EFR3B: variants seen among roughly 807,000 people sequenced by gnomAD.
The protein encoded by EFR3B is EFR3 homolog B.
EFR3B carries 64 observed loss-of-function variants against 104.7 expected under a neutral mutation model. The ratio of observed to expected loss-of-function variants is 0.61; its 90% confidence interval spans 0.50 to 0.75. The LOEUF (loss-of-function observed/expected upper bound fraction) is 0.75, where lower values mean the gene tolerates loss of function less well. Ranked by LOEUF, EFR3B falls within the 30% of genes least tolerant of loss-of-function variation. The probability of loss-of-function intolerance (pLI) is 0.00; values close to 1 mark genes in which losing one functional copy is unlikely to be tolerated. For missense variants in EFR3B, 750 were observed against 1,078.5 expected (o/e 0.70, Z 4.27); for synonymous variants, 385 against 417.9 (o/e 0.92, Z 0.96).
At chr2:25,081,718 C>T (rs117534844) in intron 1 of EFR3B, 12,567 of 493,700 alleles carry the variant, frequency 0.025, 1,120 homozygotes, top group East Asian at 0.24. Flanking sequence ...CCCTTGGTAC[C>T]GCCTGCAGCC....
chr2:25,060,628 T>C (rs1427607258), intron 1 of EFR3B, among the ~76,000 whole-genome samples: 5 of 152,012 alleles, frequency 3.3e-5, no homozygotes, highest in Non-Finnish European at 5.9e-5. Flanking sequence ...ATAAAAAAAC[T>C]AGCCACTGTC....
intron 1 of EFR3B, among the ~76,000 whole-genome samples, chr2:25,063,096 C>T (rs1360496402): frequency 2.6e-5 from 4 of 151,546 alleles, no homozygotes; most frequent in Admixed American, 2.6e-4. Flanking sequence ...ACCCACCACC[C>T]CTGGCTAATT....
chr2:25,127,765 T>TGCCTCTCCCTCTGGATCC (rs1333575845), intron 5 of EFR3B, among the ~76,000 whole-genome samples: 1 of 152,168 alleles, frequency 6.6e-6, no homozygotes. Context: ...TGCAGCTCTG[T>TGCCTCTCCCTCTGGATCC]GCCTCTCCCT....
At chr2:25,067,420 GTTTTTGT>G (rs1668365935) in intron 1 of EFR3B, among the ~76,000 whole-genome samples, 1 of 142,854 alleles carries the variant, frequency 7.0e-6, no homozygotes. Flanking sequence ...CTCCTTTTTA[GTTTTTGT>G]TTTTTTTTTT....
chr2:25,055,824 G>A (rs1481120829), intron 1 of EFR3B, among the ~76,000 whole-genome samples: 1 of 152,132 alleles, frequency 6.6e-6, no homozygotes, highest in African/African-American at 2.4e-5. Context: ...GTGGATGCTG[G>A]GAAAATCTGG....
At chr2:25,113,362 A>G (rs1394154697) in intron 4 of EFR3B, among the ~76,000 whole-genome samples, 1 of 152,220 alleles carries the variant, frequency 6.6e-6, no homozygotes, top group African/African-American at 2.4e-5. Flanking sequence ...TGAAACAGAT[A>G]GGAGTTCCTG....
chr2:25,049,302 A>G (rs747215703), intron 1 of EFR3B, among the ~76,000 whole-genome samples: 1 of 152,190 alleles, frequency 6.6e-6, no homozygotes, highest in African/African-American at 2.4e-5. Context: ...TCATGGGAGT[A>G]TGAGTTATTA....
rs1670441770 is a variant in EFR3B at position 25,133,576 on chromosome 2, C to A, written c.1311+142C>A. On this transcript the variant is annotated intron_variant, in intron 12 of 22. Coordinates refer to ENST00000403714, the MANE Select transcript of EFR3B (RefSeq NM_014971.2). ...CAGTCGGTTGAGTCGGGGCTGAAAT[C>A]TAGCCTACGTTCCACTCACTAGCCA... The A allele has an allele frequency of 1.2e-5, 11 of 935,210 alleles. No homozygotes were observed. The South Asian group carries it at 1.7e-4, about 14-fold the overall frequency. 57.9% of individuals were successfully genotyped at this position (935,210 alleles called of 1,614,324 possible).
At chr2:25,124,394 G>A (rs1026489116) in intron 5 of EFR3B, among the ~76,000 whole-genome samples, 1 of 150,986 alleles carries the variant, frequency 6.6e-6, no homozygotes, top group East Asian at 2.0e-4. Context: ...GACTTCATGG[G>A]GCCCTTGGTC....
chr2:25,054,136 C>T (rs1667956832), intron 1 of EFR3B, among the ~76,000 whole-genome samples: 1 of 152,084 alleles, frequency 6.6e-6, no homozygotes, highest in Non-Finnish European at 1.5e-5. Context: ...GTCTTCCAGC[C>T]AGAGGGCCCT....
At chr2:25,110,350 C>T (rs1669691259) in intron 4 of EFR3B, among the ~76,000 whole-genome samples, 3 of 152,158 alleles carry the variant, frequency 2.0e-5, no homozygotes, top group Admixed American at 1.3e-4. Context: ...AGGAGTTTAC[C>T]TGGGCTTTCA....
chr2:25,084,782 G>A (rs1668904866), intron 1 of EFR3B, among the ~76,000 whole-genome samples: 1 of 152,206 alleles, frequency 6.6e-6, no homozygotes, highest in Admixed American at 6.5e-5. Context: ...CAGGCCATAG[G>A]TAGATAAAAG....
intron 18 of EFR3B, 113 bp downstream of exon 18, chr2:25,143,975 G>A: frequency 7.2e-7 from 1 of 1,392,122 alleles, no homozygotes; most frequent in Non-Finnish European, 9.5e-7. Flanking sequence ...CACCTTGGAT[G>A]TCGTGAGAGC....
intron 20 of EFR3B, among the ~76,000 whole-genome samples, chr2:25,150,376 T>C (rs1271093554): frequency 6.6e-6 from 1 of 151,738 alleles, no homozygotes; most frequent in East Asian, 1.9e-4. Flanking sequence ...TTTGGTTTAT[T>C]TGGTGAAGTG....
At chr2:25,103,610 A>G (rs577057222) in intron 3 of EFR3B, 27 bp from the exon 4 acceptor site, 172 of 1,537,622 alleles carry the variant, frequency 1.1e-4, no homozygotes, top group Non-Finnish European at 1.4e-4. Context: ...GGGCGCGGCC[A>G]GTGACGGCAT....
At chr2:25,100,763 A>G (rs2149189766) in intron 3 of EFR3B, among the ~76,000 whole-genome samples, 1 of 152,290 alleles carries the variant, frequency 6.6e-6, no homozygotes, top group South Asian at 2.1e-4. Context: ...AAGTGCTGGG[A>G]TTACAGGCGT....
intron 4 of EFR3B, among the ~76,000 whole-genome samples, chr2:25,113,617 G>A (rs1669782748): frequency 1.3e-5 from 2 of 150,288 alleles, no homozygotes; most frequent in South Asian, 4.2e-4. Context: ...GCAGCGAGCC[G>A]AGATCGTGCC....
chr2:25,048,301 A>G (rs962463856), intron 1 of EFR3B, among the ~76,000 whole-genome samples: 1 of 152,216 alleles, frequency 6.6e-6, no homozygotes, highest in Non-Finnish European at 1.5e-5. Context: ...GGCATGAACT[A>G]CCACAGCTGG....
In EFR3B at chr2:25,154,387, C is replaced by T. The variant is rs1187217453; in HGVS notation, c.*47C>T. On this transcript the variant is annotated 3_prime_UTR_variant, in exon 23 of 23. Coordinates refer to ENST00000403714, the MANE Select transcript of EFR3B (RefSeq NM_014971.2). The surrounding 1 kb of genome is among the most constrained non-coding windows in gnomAD (Gnocchi z 4.1). Reference sequence around the variant, plus strand: ...CAAGGAGATGGGGTCTGAGGAGGGGCTCACCTCACGCCCACCCCGACCACA... The same window carrying T: ...CAAGGAGATGGGGTCTGAGGAGGGGTTCACCTCACGCCCACCCCGACCACA... 1.6e-5 allele frequency: 24 copies of T among 1,501,688 alleles called. No homozygotes were observed. Among genetic ancestry groups the T allele is most frequent in the Non-Finnish European group, 1.8e-5 (20 of 1,102,174 alleles). 93.0% of individuals were successfully genotyped at this position (1,501,688 alleles called of 1,614,324 possible). A position where few individuals can be genotyped will look rare whatever the true frequency, so the allele number is the denominator to read the frequency against.
Sources: gnomAD v4.1 joint callset for allele counts (sites outside exome capture counted in the v4.1 genomes callset) on GRCh38, gnomAD v4.1.1 for gene constraint, Gnocchi (gnomAD v3.1) non-coding constraint, MANE v1.5 for transcripts, NCBI Gene and HGNC (gene_info 2026-07-23, HGNC 2026-07-21) for gene names.